The following REDIC1 variants were observed in gnomAD, a reference collection of about 807,000 sequenced individuals.
REDIC1 encodes the protein regulator of DNA class I crossover intermediates 1.
At chr12:39,712,085 T>C in the REDIC1 span, among the ~76,000 whole-genome samples, 2 of 138,756 alleles carry the variant, frequency 1.4e-5, no homozygotes, top group East Asian at 2.3e-4. Flanking sequence ...GGTATGTATA[T>C]ATACATACAT....
chr12:39,788,778 A>C, the REDIC1 span: 1 of 152,158 alleles, frequency 6.6e-6, no homozygotes, highest in East Asian at 1.9e-4. Context: ...CAATTAACAG[A>C]ATGCTGATTT....
chr12:39,641,736 A>T, the REDIC1 span, among the ~76,000 whole-genome samples: 1 of 150,860 alleles, frequency 6.6e-6, no homozygotes, highest in Admixed American at 6.6e-5. Flanking sequence ...TCTAAAACAG[A>T]AAAAAAAACC....
At chr12:39,816,544 C>T in the REDIC1 span, among the ~76,000 whole-genome samples, 3 of 151,004 alleles carry the variant, frequency 2.0e-5, no homozygotes, top group East Asian at 1.9e-4. Flanking sequence ...CAAACCTGCA[C>T]GTTGTGCACA....
At chr12:39,801,417 G>A in the REDIC1 span, among the ~76,000 whole-genome samples, 74 of 150,098 alleles carry the variant, frequency 4.9e-4, 1 homozygote, top group Middle Eastern at 3.2e-3. Context: ...AAAGCAAACA[G>A]CCATAAACAA....
chr12:39,731,178 G>C, the REDIC1 span, among the ~76,000 whole-genome samples: 1 of 152,110 alleles, frequency 6.6e-6, no homozygotes. Flanking sequence ...CTCATTCTCT[G>C]TCCAGTTTTG....
chr12:39,732,853 G>A, the REDIC1 span, among the ~76,000 whole-genome samples: 9 of 152,132 alleles, frequency 5.9e-5, no homozygotes, highest in Non-Finnish European at 1.0e-4. Flanking sequence ...GGCTTTGATA[G>A]CTTCCTTGCT....
chr12:39,891,248 G>A, the REDIC1 span, among the ~76,000 whole-genome samples: 3 of 150,750 alleles, frequency 2.0e-5, no homozygotes, highest in Non-Finnish European at 2.9e-5. Flanking sequence ...CCTCTGCCCT[G>A]TGACTACCAT....
chr12:39,757,538 A>C, the REDIC1 span: 1 of 151,618 alleles, frequency 6.6e-6, no homozygotes, highest in Non-Finnish European at 1.5e-5. Context: ...TTTTCAAGTA[A>C]TTGTTTCTAA....
At chr12:39,809,828 G>T in the REDIC1 span, among the ~76,000 whole-genome samples, 2 of 152,160 alleles carry the variant, frequency 1.3e-5, no homozygotes, top group African/African-American at 4.8e-5. Flanking sequence ...CCCTACAAAG[G>T]ACATGAACTC....
the REDIC1 span, among the ~76,000 whole-genome samples, chr12:39,698,273 G>A: frequency 6.6e-6 from 1 of 152,110 alleles, no homozygotes; most frequent in South Asian, 2.1e-4. Flanking sequence ...CATGAAGGGG[G>A]TCAATTCAGA....
At chr12:39,788,062 T>A in the REDIC1 span, among the ~76,000 whole-genome samples, 2 of 152,150 alleles carry the variant, frequency 1.3e-5, no homozygotes, top group Admixed American at 1.3e-4. Context: ...CTATTACTCA[T>A]ACTTGTTGTG....
the REDIC1 span, among the ~76,000 whole-genome samples, chr12:39,711,835 G>C: frequency 2.2e-3 from 16 of 7,206 alleles, no homozygotes; most frequent in Admixed American, 5.5e-3. Context: ...ATGTGTATAT[G>C]TGTGTATACA....
chr12:39,683,585 A>C, the REDIC1 span: 1 of 888,600 alleles, frequency 1.1e-6, no homozygotes, highest in Non-Finnish European at 1.7e-6. Flanking sequence ...TTGCCATTTG[A>C]GGGTGGGCAG....
At chr12:39,792,514 A>C in the REDIC1 span, among the ~76,000 whole-genome samples, 2,070 of 152,238 alleles carry the variant, frequency 0.014, 53 homozygotes, top group African/African-American at 0.047. Context: ...AGTCCTCAAA[A>C]CATGTGACTT....
the REDIC1 span, chr12:39,746,119 AG>A: frequency 6.6e-6 from 1 of 152,196 alleles, no homozygotes; most frequent in African/African-American, 2.4e-5. Flanking sequence ...ACCGAGCGTG[AG>A]CAGAAGCAGG....
chr12:39,880,901 T>A, the REDIC1 span, among the ~76,000 whole-genome samples: 1 of 152,182 alleles, frequency 6.6e-6, no homozygotes, highest in Non-Finnish European at 1.5e-5. Flanking sequence ...ATTTGCCACA[T>A]TGACCTATTA....
chr12:39,661,686 C>T, the REDIC1 span, among the ~76,000 whole-genome samples: 4 of 151,652 alleles, frequency 2.6e-5, no homozygotes, highest in Non-Finnish European at 5.9e-5. Context: ...TTTTTTTCTT[C>T]TTGTCTCTGC....
chr12:39,715,944 T>C, the REDIC1 span, among the ~76,000 whole-genome samples: 1 of 151,952 alleles, frequency 6.6e-6, no homozygotes, highest in African/African-American at 2.4e-5. Context: ...TTCGGGGGTA[T>C]AAATTTCCTT....
chr12:39,870,985 C>A, the REDIC1 span, among the ~76,000 whole-genome samples: 4 of 152,124 alleles, frequency 2.6e-5, no homozygotes, highest in Admixed American at 1.3e-4. Context: ...TGGAAACTAT[C>A]TTTTAATGGA....
Sources: allele counts gnomAD v4.1 joint callset (sites outside exome capture counted in the v4.1 genomes callset), GRCh38; gene constraint gnomAD v4.1.1; transcripts MANE v1.5; gene names NCBI Gene and HGNC (gene_info 2026-07-23, HGNC 2026-07-21).